PIK3AP1: variants seen among roughly 807,000 people sequenced by gnomAD.
The protein encoded by PIK3AP1 is phosphoinositide-3-kinase adaptor protein 1, also known as phosphoinositide 3-kinase adapter protein 1.
PIK3AP1 carries 21 observed loss-of-function variants against 88.1 expected under a neutral mutation model. The ratio of observed to expected loss-of-function variants is 0.24; its 90% CI spans 0.17 to 0.34. PIK3AP1 has a LOEUF of 0.34. Ranked by LOEUF, PIK3AP1 falls within the 10% of genes least tolerant of loss-of-function variation. The pLI, the probability that PIK3AP1 is intolerant of heterozygous loss-of-function variation, is 1.00. For synonymous variants in PIK3AP1, 398 were observed against 400.0 expected (o/e 1.00, Z 0.06); for missense variants, 828 against 1,035.7 (o/e 0.80, Z 2.75).
At position 96,628,479 on chromosome 10, in the gene PIK3AP1, G is replaced by C. The variant is rs750194159; in HGVS notation, c.1390C>G (p.Gln464Glu). ...ATEDLYVEMLQASTSNPIPGD... is the reference protein window; with the variant it reads ...ATEDLYVEMLEASTSNPIPGD... ...GGGATTGGGTTAGATGTACTGGCCT[G>C]AAGCATTTCAACATCTAGAAGGAAA... Residue 464 changes from glutamine (Q) to glutamate (E), a missense_variant, in exon 9 of 17, where the codon CAG (glutamine) becomes GAG (glutamate). Gln to Glu is a conservative substitution (Grantham distance 29). Around this residue, in one of 3 missense-constraint regions of PIK3AP1, gnomAD observed 610 missense variants for 760.1 expected, o/e 0.80. Transcript: ENST00000339364. The C allele has an allele frequency of 4.3e-6, 7 of 1,612,126 alleles. No individual in the cohort carries two copies.
At chr10:96,617,273 T>C (rs1385629844) in intron 12 of PIK3AP1, among the ~76,000 whole-genome samples, 4 of 152,190 alleles carry the variant, frequency 2.6e-5, no homozygotes, top group African/African-American at 2.4e-5. Flanking sequence ...ATCTGGCCCA[T>C]TGTAGTCATT....
intron 13 of PIK3AP1, 131 bp from the exon 14 acceptor site, chr10:96,609,998 C>A: frequency 2.6e-6 from 3 of 1,162,988 alleles, no homozygotes; most frequent in South Asian, 1.3e-5. Flanking sequence ...AGGGAAAAGA[C>A]GATGGGAGAG....
chr10:96,646,791 C>T (rs1035563280), intron 7 of PIK3AP1, among the ~76,000 whole-genome samples: 1 of 152,206 alleles, frequency 6.6e-6, no homozygotes, highest in Non-Finnish European at 1.5e-5. Context: ...ATCCTGCCTC[C>T]ATGTGATTGT....
chr10:96,640,284 G>T (rs1843366568), intron 8 of PIK3AP1, among the ~76,000 whole-genome samples: 1 of 152,194 alleles, frequency 6.6e-6, no homozygotes. Context: ...GAAGAAAAAT[G>T]AGGCTCTCGG....
intron 8 of PIK3AP1, among the ~76,000 whole-genome samples, chr10:96,636,961 A>T (rs1843320105): frequency 6.6e-6 from 1 of 152,242 alleles, no homozygotes; most frequent in South Asian, 2.1e-4. Flanking sequence ...GCTGCAGTGG[A>T]AACTCCATCC....
At chr10:96,599,068 A>C (rs1474418000) in intron 16 of PIK3AP1, among the ~76,000 whole-genome samples, 1 of 152,176 alleles carries the variant, frequency 6.6e-6, no homozygotes, top group East Asian at 1.9e-4. Context: ...AAGGGAGGTA[A>C]GTGTGGGCCT....
chr10:96,632,776 C>A (rs938528733), intron 8 of PIK3AP1: 2 of 1,340,458 alleles, frequency 1.5e-6, no homozygotes, highest in African/African-American at 1.5e-5. Flanking sequence ...GCATTAGGAT[C>A]GCAATGCATA....
chr10:96,621,162 C>G (rs1843074480), intron 11 of PIK3AP1: 1 of 156,338 alleles, frequency 6.4e-6, no homozygotes, highest in South Asian at 1.7e-4. Context: ...CACACCAGCA[C>G]AGAGCCAGTG....
intron 2 of PIK3AP1, among the ~76,000 whole-genome samples, chr10:96,699,745 C>T (rs904306060): frequency 1.3e-5 from 2 of 152,180 alleles, no homozygotes; most frequent in African/African-American, 4.8e-5. Context: ...TGATCCTAGC[C>T]CTAATGGAAA....
chr10:96,682,347 GTCA>G (rs1475224738), intron 2 of PIK3AP1, among the ~76,000 whole-genome samples: 2 of 152,016 alleles, frequency 1.3e-5, no homozygotes, highest in African/African-American at 4.8e-5. Context: ...TGACTGCAGG[GTCA>G]TCAAGATGGC....
At chr10:96,653,587 A>C (rs2134236548) in intron 3 of PIK3AP1, among the ~76,000 whole-genome samples, 1 of 142,762 alleles carries the variant, frequency 7.0e-6, no homozygotes, top group Admixed American at 7.6e-5. Context: ...TCCCAGGTTC[A>C]AGCGATTCTC....
intron 2 of PIK3AP1, among the ~76,000 whole-genome samples, chr10:96,669,973 G>A (rs1203804004): frequency 2.0e-5 from 3 of 151,858 alleles, no homozygotes; most frequent in African/African-American, 4.8e-5. Context: ...TCAGGAGTTC[G>A]AGACCAGCCT....
At chr10:96,713,591 G>A (rs1386890600) in intron 1 of PIK3AP1, among the ~76,000 whole-genome samples, 1 of 151,894 alleles carries the variant, frequency 6.6e-6, no homozygotes, top group Non-Finnish European at 1.5e-5. Context: ...GACTGAGGTA[G>A]GAGGATTGCT....
chr10:96,643,122 T>C (rs898649003), intron 8 of PIK3AP1, among the ~76,000 whole-genome samples: 1 of 152,092 alleles, frequency 6.6e-6, no homozygotes, highest in African/African-American at 2.4e-5. Flanking sequence ...CAGACATGCT[T>C]ATTAGGTATA....
chr10:96,678,878 A>G (rs909668401), intron 2 of PIK3AP1, among the ~76,000 whole-genome samples: 1 of 152,140 alleles, frequency 6.6e-6, no homozygotes, highest in Non-Finnish European at 1.5e-5. Flanking sequence ...AGAGACACAG[A>G]CCCCTGTAGG....
intron 2 of PIK3AP1, among the ~76,000 whole-genome samples, chr10:96,664,575 C>T (rs775768889): frequency 6.6e-6 from 1 of 151,578 alleles, no homozygotes; most frequent in Non-Finnish European, 1.5e-5. Context: ...AAAACCAATG[C>T]AATCTATTAG....
Position 96,648,906 on chromosome 10 carries a change from G to T in PIK3AP1, c.989-51C>A. ...TAGGCAGATAAAAATAAAGGCACAG[G>T]GTGCCCTTGTTCATGGAGATGAAGC... On this transcript the variant is annotated intron_variant, in intron 6 of 16. Coordinates refer to ENST00000339364, the MANE Select transcript of PIK3AP1 (RefSeq NM_152309.3). 3 of 1,445,226 alleles carry T rather than the reference G, an allele frequency of 2.1e-6. No homozygotes were observed. In the South Asian group the frequency reaches 4.3e-5, roughly 21 times the overall value. 89.5% of individuals were successfully genotyped at this position (1,445,226 alleles called of 1,614,324 possible).
At chr10:96,640,084 A>G (rs1325651418) in intron 8 of PIK3AP1, among the ~76,000 whole-genome samples, 5 of 152,202 alleles carry the variant, frequency 3.3e-5, no homozygotes, top group Non-Finnish European at 7.3e-5. Flanking sequence ...AGTTAGCTAG[A>G]GCTAAGTCAG....
intron 2 of PIK3AP1, among the ~76,000 whole-genome samples, chr10:96,661,573 G>A (rs1192022954): frequency 2.0e-5 from 3 of 152,190 alleles, no homozygotes; most frequent in Non-Finnish European, 4.4e-5. Flanking sequence ...AACTTTGCAT[G>A]CTTTCCACTT....
Sources: gnomAD v4.1 joint callset for allele counts (sites outside exome capture counted in the v4.1 genomes callset) on GRCh38, gnomAD v4.1.1 for gene constraint, gnomAD v4.1.1 regional missense constraint, MANE v1.5 for transcripts, NCBI Gene and HGNC (gene_info 2026-07-23, HGNC 2026-07-21) for gene names.